RTL4: variants seen among roughly 807,000 people sequenced by gnomAD.
The protein encoded by RTL4 is retrotransposon Gag-like protein 4.
In RTL4, 4 loss-of-function variants were observed where a neutral mutation model predicts 5.3. The ratio of observed to expected loss-of-function variants is 0.75; its 90% CI spans 0.37 to 1.72. The LOEUF is 1.72. Ranked by LOEUF, RTL4 falls within the 40% of genes most tolerant of loss-of-function variation. The probability of loss-of-function intolerance (pLI) is 0.04; values close to 1 mark genes in which losing one functional copy is unlikely to be tolerated. For synonymous variants in RTL4, 98 were observed against 87.3 expected, an observed-to-expected ratio of 1.12 and a Z score of -0.68; for missense variants, 260 against 227.1, an observed-to-expected ratio of 1.14 and a Z score of -0.93.
chrX:112,253,881 C>T, the RTL4 span, among the ~76,000 whole-genome samples: 46 of 111,782 alleles, frequency 4.1e-4, no homozygotes, highest in African/African-American at 1.5e-3. Context: ...TGGCCTGTTA[C>T]ACCAGCTTAG....
upstream of RTL4, among the ~76,000 whole-genome samples, chrX:112,450,435 T>C (rs1406155194): frequency 8.9e-6 from 1 of 112,265 alleles, no homozygotes; most frequent in East Asian, 2.8e-4. Flanking sequence ...GTTTTGGCTC[T>C]ATCTCTGCTT....
At chrX:112,364,843 T>G in the RTL4 span, among the ~76,000 whole-genome samples, 1 of 112,359 alleles carries the variant, frequency 8.9e-6, no homozygotes. Context: ...TGAATGTTTT[T>G]GACACAGTAC....
chrX:112,409,169 T>C, the RTL4 span, among the ~76,000 whole-genome samples: 1 of 112,231 alleles, frequency 8.9e-6, no homozygotes, highest in Non-Finnish European at 1.9e-5. Flanking sequence ...TACTATTAAG[T>C]AGAAAGACTA....
chrX:112,115,094 A>G, the RTL4 span, among the ~76,000 whole-genome samples: 1 of 111,006 alleles, frequency 9.0e-6, no homozygotes, highest in Non-Finnish European at 1.9e-5. Context: ...ATCTGAAAGA[A>G]AAAACTGCCT....
the RTL4 span, among the ~76,000 whole-genome samples, chrX:112,293,529 G>T: frequency 1.8e-5 from 2 of 111,913 alleles, no homozygotes; most frequent in African/African-American, 6.5e-5. Context: ...ATAAGAATGG[G>T]GTAACAGTTT....
chrX:112,380,379 C>G, the RTL4 span, among the ~76,000 whole-genome samples: 2 of 111,266 alleles, frequency 1.8e-5, no homozygotes, highest in Non-Finnish European at 3.8e-5. Flanking sequence ...GTCTCGATCC[C>G]CTAACCTCGT....
chrX:112,135,601 A>G, the RTL4 span, among the ~76,000 whole-genome samples: 1 of 110,614 alleles, frequency 9.0e-6, no homozygotes, highest in Admixed American at 9.7e-5. Context: ...ATCTCTGCCT[A>G]AAAATATTCT....
At chrX:112,099,256 A>C in the RTL4 span, among the ~76,000 whole-genome samples, 1 of 112,060 alleles carries the variant, frequency 8.9e-6, no homozygotes, top group East Asian at 2.8e-4. Context: ...TGAGTAGCTC[A>C]TGGCCTATAG....
chrX:112,300,106 C>G, the RTL4 span, among the ~76,000 whole-genome samples: 2 of 111,645 alleles, frequency 1.8e-5, no homozygotes, highest in African/African-American at 6.5e-5. Context: ...ATCTATCTAT[C>G]TATCCATCCC....
the RTL4 span, among the ~76,000 whole-genome samples, chrX:112,385,525 T>A: frequency 1.7e-3 from 190 of 111,673 alleles, 3 homozygotes; most frequent in Admixed American, 0.016. Flanking sequence ...TATGTGTAGG[T>A]CTGTTTCTGG....
At chrX:112,149,561 G>A in the RTL4 span, among the ~76,000 whole-genome samples, 8 of 111,711 alleles carry the variant, frequency 7.2e-5, no homozygotes, top group African/African-American at 2.3e-4. Flanking sequence ...TGCATGTACA[G>A]GGTAGCAAAG....
chrX:112,290,403 T>C, the RTL4 span, among the ~76,000 whole-genome samples: 1 of 111,891 alleles, frequency 8.9e-6, no homozygotes, highest in African/African-American at 3.2e-5. Flanking sequence ...AGGAAAGGCA[T>C]GACATGTAGA....
At chrX:112,443,591 A>G in the RTL4 span, among the ~76,000 whole-genome samples, 2 of 111,775 alleles carry the variant, frequency 1.8e-5, no homozygotes, top group Non-Finnish European at 3.8e-5. Context: ...ATCTTCACCA[A>G]CATTTGTTAT....
At chrX:112,254,992 G>A in the RTL4 span, among the ~76,000 whole-genome samples, 1 of 111,872 alleles carries the variant, frequency 8.9e-6, no homozygotes, top group African/African-American at 3.2e-5. Flanking sequence ...GGCTGGGGAA[G>A]TCAATTAATC....
At chrX:112,262,413 C>T in the RTL4 span, among the ~76,000 whole-genome samples, 1 of 112,266 alleles carries the variant, frequency 8.9e-6, no homozygotes, top group Non-Finnish European at 1.9e-5. Context: ...CAAAAGAAGA[C>T]ATTTATGCAG....
chrX:112,262,626 G>A, the RTL4 span, among the ~76,000 whole-genome samples: 3 of 112,040 alleles, frequency 2.7e-5, no homozygotes, highest in East Asian at 8.4e-4. Flanking sequence ...CATTGTGGAA[G>A]ACAGTATGAC....
At chrX:112,241,395 T>G in the RTL4 span, among the ~76,000 whole-genome samples, 1 of 111,962 alleles carries the variant, frequency 8.9e-6, no homozygotes, top group Non-Finnish European at 1.9e-5. Flanking sequence ...CTAACTGATG[T>G]AAGATGGTAT....
the RTL4 span, among the ~76,000 whole-genome samples, chrX:112,239,819 T>C: frequency 8.9e-6 from 1 of 112,015 alleles, no homozygotes; most frequent in African/African-American, 3.2e-5. Flanking sequence ...CCCATATCTG[T>C]ATACTACAAT....
At chrX:112,398,501 G>A in the RTL4 span, among the ~76,000 whole-genome samples, 60 of 101,213 alleles carry the variant, frequency 5.9e-4, no homozygotes, top group East Asian at 0.018. Flanking sequence ...CCTGGTTCAC[G>A]CCATTCTCCT....
Sources: gnomAD v4.1 joint callset for allele counts (sites outside exome capture counted in the v4.1 genomes callset) on GRCh38, gnomAD v4.1.1 for gene constraint, MANE v1.5 for transcripts, NCBI Gene and HGNC (gene_info 2026-07-23, HGNC 2026-07-21) for gene names.